The following SGCZ variants were observed in gnomAD, a reference collection of about 807,000 sequenced individuals.
The protein encoded by SGCZ is zeta-sarcoglycan.
In SGCZ, 40 loss-of-function variants were observed where a neutral mutation model predicts 41.3. The observed-to-expected ratio is 0.97, with a 90% CI of 0.75 to 1.26. SGCZ has a LOEUF of 1.26. Among genes scored for constraint, SGCZ ranks in the 50% most tolerant of loss-of-function variants. SGCZ has a pLI of 0.00. For synonymous variants in SGCZ, 206 were observed against 137.5 expected (o/e 1.50, Z -3.49); for missense variants, 552 against 369.8 (o/e 1.49, Z -4.04).
rs61226810 is a variant in SGCZ, at chr8:14,637,310, A to ATT, written c.40-82386_40-82385dup. Among the ~76,000 whole-genome samples the ATT allele has an allele frequency of 1.8e-4, 27 of 147,682 alleles. 1 individual carries two copies. Among genetic ancestry groups the ATT allele is most frequent in the African/African-American group, 6.2e-4 (25 of 40,202 alleles). On this transcript the variant is annotated intron_variant, in intron 1 of 7. Coordinates refer to ENST00000382080, the MANE Select transcript of SGCZ (RefSeq NM_139167.4). ...CTCTCCTTTTCTATTCTCTATTTTC[A>ATT]TTTTTTTTTTTAATTTCAACTTTTA...
chr8:14,350,160 C>T (rs1803037048), intron 2 of SGCZ, among the ~76,000 whole-genome samples: 1 of 135,776 alleles, frequency 7.4e-6, no homozygotes, highest in Non-Finnish European at 1.5e-5. Context: ...AACAAATGAA[C>T]AAACAAACAA....
At chr8:14,813,166 G>A (rs1302858462) in intron 1 of SGCZ, among the ~76,000 whole-genome samples, 2 of 152,144 alleles carry the variant, frequency 1.3e-5, no homozygotes, top group South Asian at 2.1e-4. Flanking sequence ...GTTCAAAAAC[G>A]ATGAAGATTT....
intron 1 of SGCZ, among the ~76,000 whole-genome samples, chr8:14,800,965 C>G (rs976314772): frequency 6.6e-6 from 1 of 152,078 alleles, no homozygotes; most frequent in Non-Finnish European, 1.5e-5. Flanking sequence ...ATTTTAAACA[C>G]CAAAGGATAT....
At chr8:14,492,641 G>T (rs1399459116) in intron 2 of SGCZ, among the ~76,000 whole-genome samples, 1 of 152,076 alleles carries the variant, frequency 6.6e-6, no homozygotes, top group South Asian at 2.1e-4. Context: ...CTTGAGTCTA[G>T]TACAAGTACT....
intron 2 of SGCZ, among the ~76,000 whole-genome samples, chr8:14,550,146 T>C (rs1803757106): frequency 6.6e-6 from 1 of 151,936 alleles, no homozygotes; most frequent in Non-Finnish European, 1.5e-5. Context: ...AACAGAAATA[T>C]ATTGGAAACA....
intron 1 of SGCZ, among the ~76,000 whole-genome samples, chr8:14,951,455 T>C (rs901814364): frequency 6.6e-6 from 1 of 152,060 alleles, no homozygotes; most frequent in Non-Finnish European, 1.5e-5. Flanking sequence ...AATAACTTAT[T>C]CTTAAATACT....
At chr8:14,413,582 C>G (rs1197200198) in intron 2 of SGCZ, among the ~76,000 whole-genome samples, 1 of 151,952 alleles carries the variant, frequency 6.6e-6, no homozygotes, top group East Asian at 1.9e-4. Context: ...TATATTACAA[C>G]TTAAGTAGTT....
intron 1 of SGCZ, among the ~76,000 whole-genome samples, chr8:15,042,687 A>C (rs1191708997): frequency 6.6e-6 from 1 of 152,194 alleles, no homozygotes; most frequent in Admixed American, 6.5e-5. Flanking sequence ...TTTGCTGTGA[A>C]ACCCTTTATG....
At chr8:15,078,102 G>C (rs1244104173) in intron 1 of SGCZ, among the ~76,000 whole-genome samples, 1 of 148,250 alleles carries the variant, frequency 6.7e-6, no homozygotes, top group African/African-American at 2.5e-5. Flanking sequence ...GTGTGTGGTG[G>C]CCTGATTTTC....
At chr8:14,108,665 A>G (rs1402123420) in intron 5 of SGCZ, among the ~76,000 whole-genome samples, 1 of 152,134 alleles carries the variant, frequency 6.6e-6, no homozygotes, top group Non-Finnish European at 1.5e-5. Flanking sequence ...ATAGGAGTAC[A>G]ATTCTAGATG....
chr8:14,347,441 A>G (rs1009612360), intron 2 of SGCZ, among the ~76,000 whole-genome samples: 3 of 152,068 alleles, frequency 2.0e-5, no homozygotes, highest in Non-Finnish European at 4.4e-5. Flanking sequence ...TAGTAACAGG[A>G]AAAAAGTTAT....
At chr8:14,520,842 CTAA>C (rs1380835272) in intron 2 of SGCZ, among the ~76,000 whole-genome samples, 1 of 151,950 alleles carries the variant, frequency 6.6e-6, no homozygotes, top group African/African-American at 2.4e-5. Flanking sequence ...CTCACGCTCT[CTAA>C]TAACAGTGCA....
intron 2 of SGCZ, among the ~76,000 whole-genome samples, chr8:14,421,919 T>G (rs1799647649): frequency 6.6e-6 from 1 of 152,154 alleles, no homozygotes; most frequent in African/African-American, 2.4e-5. Context: ...GGGAAGCTTA[T>G]GGGCCAAGAC....
chr8:15,174,739 G>A (rs1320109702), intron 1 of SGCZ, among the ~76,000 whole-genome samples: 1 of 152,188 alleles, frequency 6.6e-6, no homozygotes, highest in Non-Finnish European at 1.5e-5. Flanking sequence ...TGTTGCCAGT[G>A]TAATAGTATG....
chr8:14,684,631 G>A (rs1427445143), intron 1 of SGCZ, among the ~76,000 whole-genome samples: 1 of 151,746 alleles, frequency 6.6e-6, no homozygotes, highest in African/African-American at 2.4e-5. Context: ...GCTTTAAAAA[G>A]TTCATCTAAA....
At chr8:14,927,208 A>T (rs1450531039) in intron 1 of SGCZ, among the ~76,000 whole-genome samples, 1 of 143,714 alleles carries the variant, frequency 7.0e-6, no homozygotes, top group Non-Finnish European at 1.5e-5. Flanking sequence ...TCCGAGGTTG[A>T]CGCCATTCTC....
At chr8:15,072,122 C>T (rs914948206) in intron 1 of SGCZ, among the ~76,000 whole-genome samples, 4 of 152,008 alleles carry the variant, frequency 2.6e-5, no homozygotes, top group African/African-American at 9.7e-5. Context: ...AGGTGAAGTA[C>T]TCTCCATCTT....
At chr8:15,016,535 A>T (rs575361942) in intron 1 of SGCZ, among the ~76,000 whole-genome samples, 1 of 152,326 alleles carries the variant, frequency 6.6e-6, no homozygotes, top group Admixed American at 6.5e-5. Context: ...AGGGGCGTAG[A>T]CCAGGAACGC....
chr8:14,535,120 TA>T (rs1803255063), intron 2 of SGCZ, among the ~76,000 whole-genome samples: 1 of 152,006 alleles, frequency 6.6e-6, no homozygotes, highest in African/African-American at 2.4e-5. Flanking sequence ...TTGATTCAAC[TA>T]AAGCAGTGTG....
Sources: allele counts gnomAD v4.1 joint callset (sites outside exome capture counted in the v4.1 genomes callset), GRCh38; gene constraint gnomAD v4.1.1; transcripts MANE v1.5; gene names NCBI Gene and HGNC (gene_info 2026-07-23, HGNC 2026-07-21).